The following DNAH3 variants were observed in gnomAD, a reference collection of about 807,000 sequenced individuals.
DNAH3 encodes dynein axonemal heavy chain 3, also known as axonemal beta dynein heavy chain 3.
A neutral mutation model predicts 432.5 loss-of-function variants in DNAH3; 332 were observed. The observed-to-expected ratio is 0.77, with a 90% CI of 0.70 to 0.84. The LOEUF is 0.84. Ranked by LOEUF, DNAH3 falls within the 40% of genes least tolerant of loss-of-function variation. The pLI is 0.00. For missense variants in DNAH3, 4,861 were observed against 5,114.0 expected, an observed-to-expected ratio of 0.95 and a Z score of 1.51; for synonymous variants, 1,956 against 1,900.2, an observed-to-expected ratio of 1.03 and a Z score of -0.76.
At chr16:21,065,069 A>G (rs546217446) in intron 24 of DNAH3, among the ~76,000 whole-genome samples, 11 of 152,290 alleles carry the variant, frequency 7.2e-5, no homozygotes, top group Admixed American at 2.0e-4. Context: ...TCCCAAACCC[A>G]TAAGAGTATT....
intron 3 of DNAH3, among the ~76,000 whole-genome samples, chr16:21,142,601 GTCTA>G (rs1327144783): frequency 1.3e-5 from 2 of 151,260 alleles, no homozygotes; most frequent in East Asian, 1.9e-4. Flanking sequence ...TTCCTAAAGT[GTCTA>G]TCTTTGAACT....
intron 3 of DNAH3, among the ~76,000 whole-genome samples, chr16:21,142,740 A>T (rs890567854): frequency 1.3e-5 from 2 of 151,724 alleles, no homozygotes; most frequent in African/African-American, 2.4e-5. Context: ...TGCAACCTCA[A>T]CCACCCAGGC....
chr16:21,058,323 A>G (rs1473634424), intron 26 of DNAH3, 127 bp from the exon 27 acceptor site: 4 of 535,140 alleles, frequency 7.5e-6, no homozygotes, highest in Admixed American at 6.9e-5. Context: ...CTCAGACGCT[A>G]CAAGGCTTGA....
At chr16:21,135,256 T>C (rs1226089911) in intron 6 of DNAH3, among the ~76,000 whole-genome samples, 1 of 152,128 alleles carries the variant, frequency 6.6e-6, no homozygotes, top group African/African-American at 2.4e-5. Flanking sequence ...CACACCAAAA[T>C]AGATGCACAC....
intron 19 of DNAH3, among the ~76,000 whole-genome samples, chr16:21,085,695 T>C (rs2152778672): frequency 6.6e-6 from 1 of 151,868 alleles, no homozygotes; most frequent in East Asian, 1.9e-4. Context: ...ATTAAGAGAG[T>C]CTTCCTCTCT....
intron 48 of DNAH3, 88 bp downstream of exon 48, chr16:20,984,961 C>T: frequency 8.8e-7 from 1 of 1,141,608 alleles, no homozygotes; most frequent in East Asian, 2.4e-5. Flanking sequence ...ACCCTGGGAC[C>T]ATTGTAAGGG....
exon 53 of DNAH3, chr16:20,964,151 C>T: frequency 1.9e-6 from 3 of 1,614,182 alleles, no homozygotes; most frequent in Non-Finnish European, 2.5e-6. Context: ...ATGGAGAGAA[C>T]CTCCAAGATC....
At chr16:21,099,077 T>C (rs770855480) in intron 16 of DNAH3, among the ~76,000 whole-genome samples, 17 of 152,232 alleles carry the variant, frequency 1.1e-4, no homozygotes, top group Non-Finnish European at 1.5e-4. Context: ...CACGTATACA[T>C]ACTGTTTATT....
chr16:21,000,999 T>A (rs1237731456), intron 42 of DNAH3, among the ~76,000 whole-genome samples: 2 of 152,194 alleles, frequency 1.3e-5, no homozygotes, highest in South Asian at 4.1e-4. Flanking sequence ...CCAGGCAAGG[T>A]CTACCTCCCC....
Position 20,975,225 on chromosome 16 carries a change from CT to C in DNAH3, c.8259+7del, listed in dbSNP as rs780702042. 2.5e-6 allele frequency: 4 copies of C among 1,612,480 alleles called. No homozygotes were observed. Among genetic ancestry groups the C allele is most frequent in the Non-Finnish European group, 3.4e-6 (4 of 1,179,856 alleles). The stretch of plus-strand genomic sequence containing the variant: ...CCAGTTCCCTCCCTTTCTTCTCAGT[CT>C]TTCTACCTTGATTCCTTGGGCAATG... On this transcript the variant is annotated splice_region_variant and intron_variant, in intron 51 of 61. Transcript: ENST00000261383.
intron 56 of DNAH3, 41 bp from the exon 57 acceptor site, chr16:20,948,678 G>A (rs753582291): frequency 6.2e-7 from 1 of 1,608,444 alleles, no homozygotes; most frequent in South Asian, 1.1e-5. Flanking sequence ...GCCCAGGGAA[G>A]GTCATCACGA....
At chr16:21,148,079 T>C (rs2092807773) in intron 1 of DNAH3, among the ~76,000 whole-genome samples, 1 of 152,162 alleles carries the variant, frequency 6.6e-6, no homozygotes, top group Non-Finnish European at 1.5e-5. Context: ...TGTGATTTAT[T>C]TGGGTGTGCA....
chr16:20,988,790 G>A lies in DNAH3; in HGVS notation c.6602-725C>T, dbSNP rs182498251. Among the ~76,000 whole-genome samples, 290 of 152,074 alleles carry A rather than the reference G, an allele frequency of 1.9e-3. 1 individual carries two copies. Among genetic ancestry groups the A allele is most frequent in the African/African-American group, 6.1e-3 (253 of 41,476 alleles). On this transcript the variant is annotated intron_variant, in intron 44 of 61. Transcript: ENST00000261383. ...TGAGTGTTACAGCTCTTAAGGTGGC[G>A]CGTCTGGAGGTTGTTCCTTCTGATG...
At chr16:20,954,037 C>T (rs1022799364) in intron 55 of DNAH3, among the ~76,000 whole-genome samples, 4 of 151,794 alleles carry the variant, frequency 2.6e-5, no homozygotes, top group Non-Finnish European at 5.9e-5. Context: ...CCAGCCTGGC[C>T]AACACGGTGA....
intron 5 of DNAH3, among the ~76,000 whole-genome samples, chr16:21,137,267 A>G (rs2152825828): frequency 6.6e-6 from 1 of 151,798 alleles, no homozygotes; most frequent in Non-Finnish European, 1.5e-5. Context: ...TGTCTAAAAA[A>G]AAAAAAAAAA....
At chr16:20,970,339 C>T (rs1283775657) in intron 51 of DNAH3, among the ~76,000 whole-genome samples, 1 of 152,194 alleles carries the variant, frequency 6.6e-6, no homozygotes, top group Non-Finnish European at 1.5e-5. Context: ...GTCTGGCCAA[C>T]ATGGCAAAAC....
chr16:21,097,554 G>C lies in DNAH3; in HGVS notation c.2521-55C>G, dbSNP rs573202561. ...GGATGGGTTGTTCTCCTAAGCCCTCGAAGACACCAGGGCAAATTCCTCAGT... is the reference window on the plus strand; with the variant it reads ...GGATGGGTTGTTCTCCTAAGCCCTCCAAGACACCAGGGCAAATTCCTCAGT... On this transcript the variant is annotated intron_variant, in intron 17 of 61. Transcript: ENST00000261383. The C allele has an allele frequency of 3.1e-6, 5 of 1,601,526 alleles. No homozygotes were observed. In the Admixed American group the frequency reaches 8.4e-5, roughly 27 times the overall value.
intron 23 of DNAH3, among the ~76,000 whole-genome samples, chr16:21,069,095 T>TTG (rs71817169): frequency 3.5e-3 from 427 of 122,654 alleles, no homozygotes; most frequent in Middle Eastern, 0.012. Flanking sequence ...TGGCTAATAT[T>TTG]TGTGTGTGTG....
chr16:21,040,358 A>ATTTTTTTTTTTTTT (rs55797285), intron 32 of DNAH3, among the ~76,000 whole-genome samples: 4 of 79,712 alleles, frequency 5.0e-5, no homozygotes, highest in South Asian at 5.3e-4. Context: ...AGCCAGACAG[A>ATTTTTTTTTTTTTT]TTTTTTTTTT....
Sources: gnomAD v4.1 joint callset for allele counts (sites outside exome capture counted in the v4.1 genomes callset) on GRCh38, gnomAD v4.1.1 for gene constraint, MANE v1.5 for transcripts, NCBI Gene and HGNC (gene_info 2026-07-23, HGNC 2026-07-21) for gene names.